SRPK1: variants seen among roughly 807,000 people sequenced by gnomAD.
The protein encoded by SRPK1 is SRSF protein kinase 1.
A neutral mutation model predicts 89.5 loss-of-function variants in SRPK1; 52 were observed. That is an observed-to-expected ratio of 0.58 (90% CI 0.46 to 0.73). The LOEUF (loss-of-function observed/expected upper bound fraction) is 0.73. Ranked by LOEUF, SRPK1 falls within the 30% of genes least tolerant of loss-of-function variation. The pLI, the probability that SRPK1 is intolerant of heterozygous loss-of-function variation, is 0.00. For synonymous variants in SRPK1, 255 were observed against 270.2 expected, an observed-to-expected ratio of 0.94 and a Z score of 0.55; for missense variants, 603 against 780.6, an observed-to-expected ratio of 0.77 and a Z score of 2.71.
intron 2 of SRPK1, among the ~76,000 whole-genome samples, chr6:35,899,907 A>G (rs1488536462): frequency 6.6e-6 from 1 of 151,924 alleles, no homozygotes; most frequent in Non-Finnish European, 1.5e-5. Flanking sequence ...AGGCTGAGGT[A>G]GGAGAATCGC....
intron 6 of SRPK1, among the ~76,000 whole-genome samples, chr6:35,877,402 CA>C (rs1167174719): frequency 1.3e-4 from 20 of 152,268 alleles, no homozygotes; most frequent in African/African-American, 4.8e-4. Flanking sequence ...GGTAGTAAAA[CA>C]TATCCAAAAT....
chr6:35,860,420 C>A (rs1335063332), intron 12 of SRPK1, among the ~76,000 whole-genome samples: 1 of 152,096 alleles, frequency 6.6e-6, no homozygotes, highest in East Asian at 1.9e-4. Flanking sequence ...GAAGACTCCA[C>A]CGGAATAAAG....
intron 2 of SRPK1, among the ~76,000 whole-genome samples, chr6:35,894,287 T>G (rs996230926): frequency 6.6e-6 from 1 of 152,190 alleles, no homozygotes; most frequent in Non-Finnish European, 1.5e-5. Flanking sequence ...CAGACTATGA[T>G]GCTCTAGTCT....
At chr6:35,871,681 A>G (rs1481942864) in intron 8 of SRPK1, among the ~76,000 whole-genome samples, 1 of 152,172 alleles carries the variant, frequency 6.6e-6, no homozygotes, top group Non-Finnish European at 1.5e-5. Flanking sequence ...AAAATGACAC[A>G]CTACTAAAAC....
chr6:35,851,693 C>G (rs946357666), intron 13 of SRPK1, among the ~76,000 whole-genome samples: 1 of 151,912 alleles, frequency 6.6e-6, no homozygotes, highest in African/African-American at 2.4e-5. Flanking sequence ...TATCAGATAT[C>G]CAAATGGAGT....
intron 14 of SRPK1, among the ~76,000 whole-genome samples, chr6:35,840,357 T>C (rs916347724): frequency 1.1e-4 from 16 of 152,210 alleles, no homozygotes; most frequent in East Asian, 1.9e-4. Context: ...ACTGAATTTA[T>C]GGTTTGGTAA....
At chr6:35,865,537 A>G (rs1474864654) in intron 12 of SRPK1, among the ~76,000 whole-genome samples, 1 of 152,178 alleles carries the variant, frequency 6.6e-6, no homozygotes, top group Non-Finnish European at 1.5e-5. Flanking sequence ...ACACTGTCTG[A>G]CCTAAAACTA....
At chr6:35,870,044 G>T in intron 10 of SRPK1, 143 bp from the exon 11 acceptor site, 1 of 1,059,384 alleles carries the variant, frequency 9.4e-7, no homozygotes. Flanking sequence ...ACCTATTTCC[G>T]GAAGGGCCAA....
chr6:35,858,485 A>AG (rs147604503), intron 12 of SRPK1, among the ~76,000 whole-genome samples: 47,919 of 152,000 alleles, frequency 0.32, 7,786 homozygotes, highest in South Asian at 0.42. Flanking sequence ...CTGGGGGAAA[A>AG]GTTTCATATA....
chr6:35,855,797 C>T lies in SRPK1; in HGVS notation c.1620+1464G>A, dbSNP rs190525005. ...TTGCCTAGGCTGGAGTGCAATGGTG[C>T]GATCTTGGCTCACTGCAACCTCTGC... On this transcript the variant is annotated intron_variant, in intron 13 of 15. Transcript: ENST00000373825. Among the ~76,000 whole-genome samples the T allele has an allele frequency of 1.7e-3, 265 of 152,248 alleles. 5 individuals are homozygous for T. In the South Asian group the frequency reaches 0.025, roughly 15 times the overall value.
At chr6:35,859,047 G>A (rs1322514726) in intron 12 of SRPK1, among the ~76,000 whole-genome samples, 2 of 152,206 alleles carry the variant, frequency 1.3e-5, no homozygotes, top group South Asian at 2.1e-4. Context: ...AACATGTTAT[G>A]TAGAAAGGAA....
At chr6:35,891,565 C>T (rs1770517501) in intron 2 of SRPK1, among the ~76,000 whole-genome samples, 2 of 151,852 alleles carry the variant, frequency 1.3e-5, no homozygotes, top group East Asian at 1.9e-4. Flanking sequence ...ACTAAGGAAA[C>T]AAAAAATTTG....
intron 2 of SRPK1, among the ~76,000 whole-genome samples, chr6:35,892,620 C>T (rs1291980274): frequency 6.6e-6 from 1 of 151,778 alleles, no homozygotes; most frequent in East Asian, 1.9e-4. Flanking sequence ...TCGTTGCACT[C>T]CACCCTGGGC....
At chr6:35,885,150 C>T (rs1023268581) in intron 6 of SRPK1, among the ~76,000 whole-genome samples, 1 of 151,860 alleles carries the variant, frequency 6.6e-6, no homozygotes, top group Non-Finnish European at 1.5e-5. Context: ...AGAAATCTGG[C>T]ACAATGACAA....
At chr6:35,879,824 C>A (rs1423208886) in intron 6 of SRPK1, among the ~76,000 whole-genome samples, 1 of 152,096 alleles carries the variant, frequency 6.6e-6, no homozygotes, top group East Asian at 1.9e-4. Context: ...GTAACCCTAT[C>A]ACTTTCAGAA....
chr6:35,874,361 A>G lies in SRPK1; in HGVS notation c.479-22T>C, dbSNP rs761714367. The G allele has an allele frequency of 9.1e-6, 14 of 1,535,970 alleles. 1 individual carries two copies. In the South Asian group the frequency reaches 1.6e-4, roughly 18 times the overall value. ...ATATCTAGGAATTCATTAAGGAGGG[A>G]AAAAACGGCACAAAAGAAGAACACG... On this transcript the variant is annotated intron_variant, in intron 6 of 15. Transcript: ENST00000373825.
intron 2 of SRPK1, among the ~76,000 whole-genome samples, chr6:35,897,032 A>G (rs1361659670): frequency 6.6e-6 from 1 of 152,220 alleles, no homozygotes; most frequent in East Asian, 1.9e-4. Context: ...CAGAAAGTAG[A>G]TTAGCGGTTG....
intron 3 of SRPK1, among the ~76,000 whole-genome samples, chr6:35,890,063 G>A (rs534965226): frequency 5.3e-5 from 8 of 151,900 alleles, no homozygotes; most frequent in Non-Finnish European, 1.2e-4. Flanking sequence ...AGCCGAGATC[G>A]CGCCAACTGC....
chr6:35,921,026 G>GGCCGCTCC lies in SRPK1; in HGVS notation c.13+10_13+17dup, dbSNP rs1562003278. ...GGCGACCATTGCCCCTCGTGGCGGA[G>GGCCGCTCC]GCCGCTCCACCGCTCACCTTTCCGC... On this transcript the variant is annotated intron_variant, in intron 1 of 15. Transcript: ENST00000373825. The GGCCGCTCC allele has an allele frequency of 7.8e-6, 12 of 1,544,158 alleles. No homozygotes were observed. The South Asian group carries it at 1.3e-4, about 17-fold the overall frequency.
Sources: gnomAD v4.1 joint callset for allele counts (sites outside exome capture counted in the v4.1 genomes callset) on GRCh38, gnomAD v4.1.1 for gene constraint, MANE v1.5 for transcripts, NCBI Gene and HGNC (gene_info 2026-07-23, HGNC 2026-07-21) for gene names.